TPO: variants seen among roughly 807,000 people sequenced by gnomAD.
The protein encoded by TPO is thyroid peroxidase.
TPO carries 78 observed loss-of-function variants against 96.9 expected under a neutral mutation model. The observed-to-expected ratio is 0.81, with a 90% CI of 0.67 to 0.97. The LOEUF is 0.97. Among genes scored for constraint, TPO ranks in the 50% least tolerant of loss-of-function variants. TPO has a pLI of 0.00. For missense variants in TPO, 1,252 were observed against 1,274.8 expected (o/e 0.98, Z 0.27); for synonymous variants, 547 against 538.0 (o/e 1.02, Z -0.23).
intron 5 of TPO, among the ~76,000 whole-genome samples, chr2:1,444,352 C>T (rs1371147539): frequency 3.3e-5 from 5 of 150,672 alleles, no homozygotes; most frequent in East Asian, 2.0e-4. Flanking sequence ...CAGGAGGCAC[C>T]GTGTTGGAAG....
intron 1 of TPO, among the ~76,000 whole-genome samples, chr2:1,385,874 C>A (rs1661885895): frequency 6.6e-6 from 1 of 152,234 alleles, no homozygotes; most frequent in East Asian, 1.9e-4. Context: ...TCCCTCTACA[C>A]ACCGCTTTAA....
chr2:1,420,338 G>A lies in TPO; in HGVS notation c.95-2707G>A, dbSNP rs534652466. Among the ~76,000 whole-genome samples, 4 of 152,292 alleles carry A rather than the reference G, an allele frequency of 2.6e-5. No homozygotes were observed. The East Asian group carries it at 7.7e-4, about 29-fold the overall frequency. On this transcript the variant is annotated intron_variant, in intron 2 of 16. Transcript: ENST00000329066. ...CAGTTGGTTCTTAAATAATTGTCAA[G>A]TGCCTGCTGAAAACCAGCCTTTGGT...
chr2:1,478,771 C>T (rs1184778012), intron 8 of TPO, among the ~76,000 whole-genome samples: 2 of 152,080 alleles, frequency 1.3e-5, no homozygotes, highest in East Asian at 1.9e-4. Context: ...ACAGCAAACA[C>T]GGCAGACGAG....
At chr2:1,501,320 G>A (rs962129154) in intron 13 of TPO, among the ~76,000 whole-genome samples, 4 of 150,970 alleles carry the variant, frequency 2.6e-5, no homozygotes, top group South Asian at 2.1e-4. Flanking sequence ...GCAGAGCCTC[G>A]GCCTCCATGC....
intron 1 of TPO, among the ~76,000 whole-genome samples, chr2:1,388,087 G>T (rs183164443): frequency 6.2e-4 from 95 of 152,286 alleles, no homozygotes; most frequent in African/African-American, 2.3e-3. Flanking sequence ...TCTCAGAGGG[G>T]TACCCGGCTG....
At chr2:1,535,052 C>T (rs1469896261) in intron 15 of TPO, among the ~76,000 whole-genome samples, 2 of 112,216 alleles carry the variant, frequency 1.8e-5, no homozygotes, top group African/African-American at 6.4e-5. Context: ...CTGTGTGCAA[C>T]CTCCCCAAAT....
rs145344650 is a variant in TPO at position 1,504,903 on chromosome 2, A to T, written c.2518+824A>T. 3.8e-3 allele frequency among the ~76,000 whole-genome samples: 583 copies of T among 152,262 alleles called. 6 individuals carry two copies. The highest frequency in any genetic ancestry group is 0.013 in the African/African-American group (553 of 41,548). On this transcript the variant is annotated intron_variant, in intron 14 of 16. Coordinates refer to ENST00000329066, the MANE Select transcript of TPO (RefSeq NM_001206744.2). ...CCTTTGAGCTACTGTCATAGGGGAG[A>T]GAGGTCTCCAGAAAGAACCAAGTGC... is the stretch of plus-strand genomic sequence containing the variant.
At chr2:1,457,153 G>A (rs1667873246) in intron 7 of TPO, among the ~76,000 whole-genome samples, 1 of 85,140 alleles carries the variant, frequency 1.2e-5, no homozygotes. Context: ...ATAGTGTGTG[G>A]GCAGATGTGT....
chr2:1,414,531 G>A (rs1278798614), intron 2 of TPO, 29 bp downstream of exon 2: 3 of 1,604,652 alleles, frequency 1.9e-6, no homozygotes, highest in Admixed American at 3.4e-5. Context: ...GCGGTCTTCT[G>A]GCCTTATAAA....
At chr2:1,540,065 C>T (rs545382273) in intron 15 of TPO, among the ~76,000 whole-genome samples, 7 of 152,322 alleles carry the variant, frequency 4.6e-5, no homozygotes, top group African/African-American at 1.2e-4. Flanking sequence ...TCCCTTCCTG[C>T]ACCGGCCCCA....
intron 3 of TPO, among the ~76,000 whole-genome samples, chr2:1,424,077 C>G (rs949559088): frequency 6.6e-6 from 1 of 152,150 alleles, no homozygotes; most frequent in African/African-American, 2.4e-5. Context: ...GCACCTGTGA[C>G]GCAGTGTCAG....
chr2:1,542,216 C>G lies in TPO; in HGVS notation c.2749-205C>G, dbSNP rs1000808562. ...GAGTAGGAACCTTTGCCACGTGGAT[C>G]CTCTGTGGCCTCCTGCAAACAAGCA... On this transcript the variant is annotated intron_variant, in intron 16 of 16. Transcript: ENST00000329066. 10 of 675,462 alleles carry G rather than the reference C, an allele frequency of 1.5e-5. No individual in the cohort carries two copies. The Admixed American group carries it at 1.8e-4, about 12-fold the overall frequency. 41.8% of individuals were successfully genotyped at this position (675,462 alleles called of 1,614,324 possible). A position where few individuals can be genotyped will look rare whatever the true frequency, so the allele number is the denominator to read the frequency against.
Position 1,496,052 on chromosome 2 carries a change from C to T in TPO, c.2070C>T (p.Ser690=). The T allele has an allele frequency of 6.2e-7, 1 of 1,613,926 alleles. No individual in the cohort carries two copies. The highest frequency in any genetic ancestry group is 8.5e-7 in the Non-Finnish European group (1 of 1,180,018). The change falls in exon 12 of 17, where the codon TCC becomes TCT. Residue 690 remains serine, a synonymous_variant. Coordinates refer to ENST00000329066, the MANE Select transcript of TPO (RefSeq NM_001206744.2). ...AGAGGCGTGAGCTGGAGAAGCACTC[C>T]CTGTCTCGGGTCATCTGTGACAACA... The part of the protein sequence containing the change: ...DAQRRELEKH[S]LSRVICDNTG...
Position 1,531,924 on chromosome 2 carries a change from G to C in TPO, c.2619-8670G>C, listed in dbSNP as rs565396044. On this transcript the variant is annotated intron_variant, in intron 15 of 16. Coordinates refer to ENST00000329066, the MANE Select transcript of TPO (RefSeq NM_001206744.2). ...GCAACCTCCTCAAATCACCCCCACTGTGTGCAACCTCCTCAAATCCCCCCA... is the reference window on the plus strand; with the variant it reads ...GCAACCTCCTCAAATCACCCCCACTCTGTGCAACCTCCTCAAATCCCCCCA... 3.4e-4 allele frequency among the ~76,000 whole-genome samples: 32 copies of C among 93,050 alleles called. 3 individuals carry two copies. Among genetic ancestry groups the C allele is most frequent in the African/African-American group, 1.3e-3 (31 of 24,728 alleles). The allele number at this position is 93,050 out of a possible 152,430, so 61.0% of individuals were successfully genotyped here.
chr2:1,492,397 C>T (rs977411487), intron 10 of TPO, among the ~76,000 whole-genome samples: 3 of 152,138 alleles, frequency 2.0e-5, no homozygotes, highest in Non-Finnish European at 2.9e-5. Context: ...TCAGGCAATC[C>T]GCCCGCCTCG....
At chr2:1,422,204 A>C (rs573379302) in intron 2 of TPO, among the ~76,000 whole-genome samples, 2 of 149,028 alleles carry the variant, frequency 1.3e-5, no homozygotes, top group South Asian at 4.3e-4. Flanking sequence ...AGCAGGGCAG[A>C]GTGAGCAGGA....
At chr2:1,479,570 G>A (rs147824451) in intron 8 of TPO, among the ~76,000 whole-genome samples, 21 of 152,226 alleles carry the variant, frequency 1.4e-4, no homozygotes, top group African/African-American at 4.6e-4. Context: ...CAATTGTCAC[G>A]CACCCTGTTG....
At chr2:1,397,490 G>A (rs753915156) in intron 1 of TPO, among the ~76,000 whole-genome samples, 4 of 152,162 alleles carry the variant, frequency 2.6e-5, no homozygotes, top group Non-Finnish European at 5.9e-5. Context: ...CTCCAGTGCA[G>A]AGGGACTCCC....
At chr2:1,463,242 C>A (rs1384299390) in intron 7 of TPO, among the ~76,000 whole-genome samples, 1 of 152,090 alleles carries the variant, frequency 6.6e-6, no homozygotes, top group African/African-American at 2.4e-5. Context: ...CAGATCCTGT[C>A]CATCCCCAGG....
Sources: allele counts gnomAD v4.1 joint callset (sites outside exome capture counted in the v4.1 genomes callset), GRCh38; gene constraint gnomAD v4.1.1; transcripts MANE v1.5; gene names NCBI Gene and HGNC (gene_info 2026-07-23, HGNC 2026-07-21).